Variants in ITGA7 observed in about 807,000 individuals in gnomAD.
ITGA7 encodes the protein integrin subunit alpha 7.
A neutral mutation model predicts 131.6 loss-of-function variants in ITGA7; 84 were observed. The ratio of observed to expected loss-of-function variants is 0.64; its 90% confidence interval spans 0.54 to 0.77. The LOEUF (loss-of-function observed/expected upper bound fraction) is 0.77. Among genes scored for constraint, ITGA7 ranks in the 30% least tolerant of loss-of-function variants. The pLI is 0.00. For synonymous variants in ITGA7, 548 were observed against 600.7 expected (o/e 0.91, Z 1.28); for missense variants, 1,399 against 1,482.9 (o/e 0.94, Z 0.93).
intron 21 of ITGA7, 69 bp downstream of exon 21, chr12:55,692,775 C>A: frequency 6.5e-7 from 1 of 1,540,158 alleles, no homozygotes; most frequent in South Asian, 1.2e-5. Flanking sequence ...TCATGTGTCT[C>A]AACAGGTACC....
chr12:55,693,360 CTTTT>C, intron 19 of ITGA7, 43 bp from the exon 20 acceptor site: 21 of 1,222,018 alleles, frequency 1.7e-5, no homozygotes, highest in East Asian at 2.5e-5. Context: ...CTCAGTTTTT[CTTTT>C]TTTTTTTTTT....
chr12:55,687,169 CTTTTTTTTT>C (rs1187388992), intron 24 of ITGA7, among the ~76,000 whole-genome samples: 1 of 88,174 alleles, frequency 1.1e-5, no homozygotes, highest in African/African-American at 5.9e-5. Flanking sequence ...CATCTGATTT[CTTTTTTTTT>C]TTTTTTTTTT....
intron 4 of ITGA7, chr12:55,700,338 G>C (rs375762415): frequency 8.3e-5 from 134 of 1,610,660 alleles, no homozygotes; most frequent in Admixed American, 3.2e-4. Flanking sequence ...AGGGACCGTC[G>C]TCCAGGTGTG....
chr12:55,691,316 G>A lies in ITGA7; in HGVS notation c.2844+1528C>T, dbSNP rs537409332. ...TGTTACCTAGGGCTGGAGTGGAGGCGGGGTGTGGCTGGGGAGATGGAGGAG... is the reference window on the plus strand; with the variant it reads ...TGTTACCTAGGGCTGGAGTGGAGGCAGGGTGTGGCTGGGGAGATGGAGGAG... On this transcript the variant is annotated intron_variant, in intron 21 of 24. Transcript: ENST00000257879. Among the ~76,000 whole-genome samples, 435 of 152,152 alleles carry A rather than the reference G, an allele frequency of 2.9e-3. 8 individuals carry two copies. Among genetic ancestry groups the A allele is most frequent in the Admixed American group, 0.026 (393 of 15,266 alleles).
chr12:55,716,060 G>C, upstream of ITGA7: 2 of 1,559,396 alleles, frequency 1.3e-6, 1 homozygote, highest in Middle Eastern at 3.4e-4. Flanking sequence ...ACATGGCCCC[G>C]GGGAGCCGAG....
At position 55,694,327 on chromosome 12, in the gene ITGA7, G is replaced by A; in HGVS notation, c.2361C>T (p.Ile787=). Residue 787 remains isoleucine (I), a synonymous_variant, in exon 18 of 25, where the codon ATC becomes ATT. Coordinates refer to ENST00000257879, the MANE Select transcript of ITGA7 (RefSeq NM_002206.3). The surrounding 1 kb of genome is among the most constrained non-coding windows in gnomAD (Gnocchi z 5.3). ...AGACTGGATGCAGCTCCTGCTCACT[G>A]ATCCTGGTGAGTGGGCAGGGGCAAG... ...ELEVELLLAT[I]SEQELHPVSA... 1 of 1,613,794 alleles carries A rather than the reference G, an allele frequency of 6.2e-7. No individual in the cohort carries two copies. Among genetic ancestry groups the A allele is most frequent in the Non-Finnish European group, 8.5e-7 (1 of 1,179,980 alleles).
upstream of ITGA7, among the ~76,000 whole-genome samples, chr12:55,708,542 G>A (rs1875706377): frequency 6.6e-6 from 1 of 151,796 alleles, no homozygotes; most frequent in Non-Finnish European, 1.5e-5. Flanking sequence ...GGAGCAAATG[G>A]AGAAATGGAA....
Position 55,697,435 on chromosome 12 carries a change from C to T in ITGA7, c.1505+16G>A, listed in dbSNP as rs773253341. 7 of 1,612,302 alleles carry T rather than the reference C, an allele frequency of 4.3e-6. No individual in the cohort carries two copies. The South Asian group carries it at 5.5e-5, about 13-fold the overall frequency. On this transcript the variant is annotated intron_variant, in intron 10 of 24. Transcript: ENST00000257879. ...GGAAGCTGCCAGGGTCCAGGTGCCA[C>T]CCGATCCCACCTCACCAGACCGAGT...
rs201949262 is a variant in ITGA7, at chr12:55,688,871, G to T, written c.2931C>A (p.Gly977=). The T allele has an allele frequency of 4.8e-5, 78 of 1,613,958 alleles. No individual in the cohort carries two copies. In the East Asian group the frequency reaches 1.7e-3, roughly 36 times the overall value. The stretch of plus-strand genomic sequence containing the variant: ...CCAGAAAGGTGCTGTTCCAGAGACG[G>T]CCCCAGACATGCAGCACAGCCGCGC... ...FDRAAVLHVW[G]RLWNSTFLEE... The change falls in exon 22 of 25, where the codon GGC becomes GGA. Residue 977 remains glycine (G), a synonymous_variant. Coordinates refer to ENST00000257879, the MANE Select transcript of ITGA7 (RefSeq NM_002206.3).
chr12:55,696,348 C>A lies in ITGA7; in HGVS notation c.1822G>T (p.Gly608Cys). 6.3e-7 allele frequency: 1 copy of A among 1,588,402 alleles called. No homozygotes were observed. Among genetic ancestry groups the A allele is most frequent in the Non-Finnish European group, 8.6e-7 (1 of 1,166,304 alleles). The stretch of plus-strand genomic sequence containing the variant: ...GGGGCCACTGGAGGCAGCCCCTGGC[C>A]AGGAGCCTGTCGCCGGAGCCGAGGG... ...QTPRLRRQAPGQGLPPVAPIL... is the reference protein window; with the variant it reads ...QTPRLRRQAPCQGLPPVAPIL... The change falls in exon 13 of 25, where the codon GGC (glycine) becomes TGC (cysteine). Residue 608 changes from glycine (G) to cysteine (C), a missense_variant. By Grantham distance (159) the Gly-to-Cys change is radical. Coordinates refer to ENST00000257879, the MANE Select transcript of ITGA7 (RefSeq NM_002206.3).
chr12:55,708,230 G>C (rs1336806685), upstream of ITGA7, among the ~76,000 whole-genome samples: 1 of 152,230 alleles, frequency 6.6e-6, no homozygotes, highest in African/African-American at 2.4e-5. Flanking sequence ...AGGAGGGTAA[G>C]AGATGAGAAG....
chr12:55,700,441 C>T (rs1302108332), intron 4 of ITGA7: 2 of 1,566,022 alleles, frequency 1.3e-6, no homozygotes, highest in Admixed American at 2.1e-5. Context: ...CAAGGAACAC[C>T]CCTCAGGCCG....
intron 13 of ITGA7, 77 bp from the exon 14 acceptor site, chr12:55,695,714 G>A (rs780811313): frequency 1.0e-6 from 1 of 955,764 alleles, no homozygotes; most frequent in Non-Finnish European, 1.7e-6. Flanking sequence ...GCATATGGTG[G>A]GTTAGAGTAT....
upstream of ITGA7, among the ~76,000 whole-genome samples, chr12:55,712,774 G>A (rs1592509150): frequency 6.6e-6 from 1 of 152,164 alleles, no homozygotes; most frequent in African/African-American, 2.4e-5. Flanking sequence ...AACAGATGGA[G>A]GATAACCCTA....
chr12:55,693,926 G>A, intron 19 of ITGA7, 95 bp downstream of exon 19: 1 of 994,098 alleles, frequency 1.0e-6, no homozygotes, highest in Non-Finnish European at 1.6e-6. Flanking sequence ...GCTGCCACAT[G>A]GTAGAAGAGC....
rs1026026295 is a variant in ITGA7, at chr12:55,695,515, C to A, written c.2003+7G>T. On this transcript the variant is annotated splice_region_variant and intron_variant, in intron 14 of 24. Coordinates refer to ENST00000257879, the MANE Select transcript of ITGA7 (RefSeq NM_002206.3). ...CCCACCCCCACCCTGCTCTCTGCCC[C>A]CCTCACATGGGCAGAGGTTGGAATT... 5.8e-6 allele frequency: 9 copies of A among 1,547,634 alleles called. No individual in the cohort carries two copies. The highest frequency in any genetic ancestry group is 8.0e-6 in the Non-Finnish European group (9 of 1,119,896).
chr12:55,693,312 G>A lies in ITGA7; in HGVS notation c.2541C>T (p.Ser847=). Reference sequence around the variant, plus strand: ...GGGTTCTGAGCGACTGGCCTTGGTTGGAAACCTGTGGGAAAAAGAGAGTAT... The same window carrying A: ...GGGTTCTGAGCGACTGGCCTTGGTTAGAAACCTGTGGGAAAAAGAGAGTAT... The part of the protein sequence containing the change: ...GSKVKYEVTV[S]NQGQSLRTLG... Residue 847 remains serine (S), a synonymous_variant, in exon 20 of 25, where the codon TCC becomes TCT. Transcript: ENST00000257879. The A allele has an allele frequency of 6.2e-7, 1 of 1,613,628 alleles. No homozygotes were observed. Among genetic ancestry groups the A allele is most frequent in the East Asian group, 2.2e-5 (1 of 44,866 alleles).
chr12:55,707,366 G>A (rs1875422098), intron 1 of ITGA7, 111 bp downstream of exon 1: 1 of 879,988 alleles, frequency 1.1e-6, no homozygotes, highest in East Asian at 2.4e-5. Flanking sequence ...TCTGTGGGCA[G>A]TCTAGGTCTT....
chr12:55,708,128 A>C, upstream of ITGA7: 170 of 713,444 alleles, frequency 2.4e-4, no homozygotes, highest in Non-Finnish European at 2.7e-4. Context: ...TTCTCCCCCA[A>C]CCCCATCCCC....
Sources: allele counts gnomAD v4.1 joint callset (sites outside exome capture counted in the v4.1 genomes callset), GRCh38; gene constraint gnomAD v4.1.1; non-coding constraint Gnocchi (gnomAD v3.1); transcripts MANE v1.5; gene names NCBI Gene and HGNC (gene_info 2026-07-23, HGNC 2026-07-21).